The following CSMD1 variants were observed in gnomAD, a reference collection of about 807,000 sequenced individuals.
CSMD1 encodes the protein CUB and sushi domain-containing protein 1.
In CSMD1, 213 loss-of-function variants were observed where a neutral mutation model predicts 417.5. That is an observed-to-expected ratio of 0.51 (90% CI 0.46 to 0.57). CSMD1 has a LOEUF of 0.57. Among genes scored for constraint, CSMD1 ranks in the 20% least tolerant of loss-of-function variants. The pLI is 0.00. For synonymous variants in CSMD1, 2,862 were observed against 1,736.8 expected, an observed-to-expected ratio of 1.65 and a Z score of -16.11; for missense variants, 6,923 against 4,529.7, an observed-to-expected ratio of 1.53 and a Z score of -15.17.
intron 33 of CSMD1, among the ~76,000 whole-genome samples, chr8:3,197,911 G>C (rs1307240031): frequency 6.6e-6 from 1 of 152,078 alleles, no homozygotes; most frequent in Non-Finnish European, 1.5e-5. Flanking sequence ...AAAAAACTTA[G>C]TTTTGACAAA....
chr8:3,982,376 C>A (rs942407688), intron 5 of CSMD1, among the ~76,000 whole-genome samples: 1 of 151,546 alleles, frequency 6.6e-6, no homozygotes, highest in African/African-American at 2.4e-5. Flanking sequence ...GTACAAACCT[C>A]CATGGTTGTT....
At chr8:3,968,838 G>A (rs1563265739) in intron 5 of CSMD1, among the ~76,000 whole-genome samples, 1 of 152,266 alleles carries the variant, frequency 6.6e-6, no homozygotes, top group East Asian at 1.9e-4. Flanking sequence ...ACAAGATTTG[G>A]CTGCTGGTTA....
Position 3,097,765 on chromosome 8 carries a change from G to C in CSMD1, c.6950-728C>G, listed in dbSNP as rs538696328. Among the ~76,000 whole-genome samples the C allele has an allele frequency of 2.0e-3, 311 of 152,166 alleles. 1 individual carries two copies. The highest frequency in any genetic ancestry group is 2.3e-3 in the Non-Finnish European group (159 of 68,008). ...GAATGGAAAACCTCGGATCGGGGGT[G>C]GGGGGAACTACTGTACTTAGCATAG... On this transcript the variant is annotated intron_variant, in intron 46 of 69. Transcript: ENST00000635120.
chr8:4,310,541 T>G (rs1024700265), intron 3 of CSMD1, among the ~76,000 whole-genome samples: 4 of 150,718 alleles, frequency 2.7e-5, no homozygotes, highest in Non-Finnish European at 4.4e-5. Context: ...TTGGACACAA[T>G]AAAATCTCAA....
At chr8:4,935,523 T>G (rs923480691) in intron 1 of CSMD1, among the ~76,000 whole-genome samples, 1 of 152,254 alleles carries the variant, frequency 6.6e-6, no homozygotes, top group East Asian at 1.9e-4. Flanking sequence ...AATGAACGAA[T>G]GAATGAATAC....
intron 3 of CSMD1, among the ~76,000 whole-genome samples, chr8:4,065,733 T>A (rs189729406): frequency 2.0e-5 from 3 of 152,194 alleles, no homozygotes; most frequent in African/African-American, 7.2e-5. Flanking sequence ...AAACATAGGC[T>A]CTATCACCAA....
chr8:4,224,771 C>G (rs910371025), intron 3 of CSMD1, among the ~76,000 whole-genome samples: 3 of 152,152 alleles, frequency 2.0e-5, no homozygotes, highest in Admixed American at 6.5e-5. Flanking sequence ...CTGTAGTACT[C>G]AAAACTCTTA....
chr8:4,242,923 GA>G (rs1268334553), intron 3 of CSMD1, among the ~76,000 whole-genome samples: 1 of 152,024 alleles, frequency 6.6e-6, no homozygotes, highest in African/African-American at 2.4e-5. Flanking sequence ...TTCTGACCCA[GA>G]AAAAAAGATC....
intron 2 of CSMD1, among the ~76,000 whole-genome samples, chr8:4,579,628 C>T (rs1255063439): frequency 6.6e-6 from 1 of 152,072 alleles, no homozygotes; most frequent in South Asian, 2.1e-4. Context: ...TCCCAAAGTT[C>T]TGATATTACA....
chr8:4,269,310 C>G (rs1007960427), intron 3 of CSMD1, among the ~76,000 whole-genome samples: 7 of 152,110 alleles, frequency 4.6e-5, no homozygotes, highest in African/African-American at 1.7e-4. Flanking sequence ...GTGATCCACC[C>G]GCACTGGCCT....
intron 49 of CSMD1, among the ~76,000 whole-genome samples, chr8:3,086,793 A>G (rs1814562304): frequency 6.6e-6 from 1 of 152,236 alleles, no homozygotes; most frequent in Non-Finnish European, 1.5e-5. Context: ...ACAATGGTAA[A>G]GAAAAATTAT....
chr8:3,312,699 C>A (rs76331066), intron 23 of CSMD1, among the ~76,000 whole-genome samples: 1 of 152,124 alleles, frequency 6.6e-6, no homozygotes, highest in African/African-American at 2.4e-5. Flanking sequence ...GTGTCACTTG[C>A]GCCGTGAACC....
chr8:3,215,820 C>G (rs1797849567), intron 29 of CSMD1, among the ~76,000 whole-genome samples: 2 of 151,886 alleles, frequency 1.3e-5, no homozygotes, highest in Non-Finnish European at 2.9e-5. Flanking sequence ...AAATGCTAAA[C>G]TTTGGGAAGC....
intron 10 of CSMD1, among the ~76,000 whole-genome samples, chr8:3,572,110 G>A (rs1799968979): frequency 1.3e-5 from 2 of 152,172 alleles, no homozygotes; most frequent in Non-Finnish European, 2.9e-5. Flanking sequence ...TGCTAGGGAT[G>A]GCTGCAGAGC....
intron 2 of CSMD1, among the ~76,000 whole-genome samples, chr8:4,596,868 C>T (rs1333133738): frequency 1.3e-5 from 2 of 152,244 alleles, no homozygotes; most frequent in East Asian, 1.9e-4. Flanking sequence ...CTGATCTTTC[C>T]CATGCTATTC....
At chr8:4,462,402 T>C (rs958282377) in intron 2 of CSMD1, among the ~76,000 whole-genome samples, 8 of 152,102 alleles carry the variant, frequency 5.3e-5, no homozygotes, top group Non-Finnish European at 1.0e-4. Flanking sequence ...TTAATATAGA[T>C]AAGATGGCAA....
chr8:4,150,901 A>C (rs1796538864), intron 3 of CSMD1, among the ~76,000 whole-genome samples: 1 of 152,180 alleles, frequency 6.6e-6, no homozygotes, highest in Non-Finnish European at 1.5e-5. Flanking sequence ...GAGAAAGAGC[A>C]ATGTTTTGTT....
intron 62 of CSMD1, 78 bp from the exon 63 acceptor site, chr8:2,957,885 C>A: frequency 1.0e-6 from 1 of 971,708 alleles, no homozygotes; most frequent in Non-Finnish European, 1.6e-6. Context: ...TGAAAGTACA[C>A]GCCCGAGTAA....
At chr8:3,615,902 T>A (rs1802113664) in intron 8 of CSMD1, among the ~76,000 whole-genome samples, 1 of 152,144 alleles carries the variant, frequency 6.6e-6, no homozygotes, top group South Asian at 2.1e-4. Context: ...CTCACTGAAA[T>A]AAGTGCAAAA....
Sources: gnomAD v4.1 joint callset for allele counts (sites outside exome capture counted in the v4.1 genomes callset) on GRCh38, gnomAD v4.1.1 for gene constraint, MANE v1.5 for transcripts, NCBI Gene and HGNC (gene_info 2026-07-23, HGNC 2026-07-21) for gene names.